The following SULT1A1 variants were observed in gnomAD, a reference collection of about 807,000 sequenced individuals.
SULT1A1 encodes the protein sulfotransferase family 1A member 1.
SULT1A1 carries 35 observed loss-of-function variants against 36.8 expected under a neutral mutation model. The observed-to-expected ratio is 0.95, with a 90% confidence interval of 0.73 to 1.26. The LOEUF (loss-of-function observed/expected upper bound fraction) is 1.26, where lower values mean the gene tolerates loss of function less well. Ranked by LOEUF, SULT1A1 falls within the 50% of genes most tolerant of loss-of-function variation. The pLI is 0.00. For synonymous variants in SULT1A1, 119 were observed against 146.0 expected (o/e 0.82, Z 1.33); for missense variants, 309 against 383.0 (o/e 0.81, Z 1.61).
chr16:28,608,646 G>A lies in SULT1A1; in HGVS notation c.149-43C>T, dbSNP rs147141774. On this transcript the variant is annotated intron_variant, in intron 2 of 7. Coordinates refer to ENST00000314752, the MANE Select transcript of SULT1A1 (RefSeq NM_001055.4). ...TGGGAGGTGAGCAGGCTGAGGGCACGACCTCGCTGGCCAAGGTGGGGACTG... is the reference window on the plus strand; with the variant it reads ...TGGGAGGTGAGCAGGCTGAGGGCACAACCTCGCTGGCCAAGGTGGGGACTG... 103 of 1,611,264 alleles carry A rather than the reference G, an allele frequency of 6.4e-5. 1 individual carries two copies. Among genetic ancestry groups the A allele is most frequent in the Non-Finnish European group, 8.3e-5 (98 of 1,177,730 alleles).
At position 28,605,469 on chromosome 16, in the gene SULT1A1, G is replaced by C; in HGVS notation, c.*352C>G. On this transcript the variant is annotated 3_prime_UTR_variant, in exon 8 of 8. Coordinates refer to ENST00000314752, the MANE Select transcript of SULT1A1 (RefSeq NM_001055.4). ...CAAATTTTTGTAGGGATGATGTCTT[G>C]TAATGTTGAACAGGCTGGTCCCAAA... 2.5e-6 allele frequency: 1 copy of C among 392,352 alleles called. No homozygotes were observed. Among genetic ancestry groups the C allele is most frequent in the East Asian group, 5.6e-5 (1 of 17,842 alleles). 24.3% of individuals were successfully genotyped at this position (392,352 alleles called of 1,614,324 possible).
At position 28,608,566 on chromosome 16, in the gene SULT1A1, G is replaced by A. The variant is rs1210296177; in HGVS notation, c.186C>T (p.Tyr62=). 2.5e-6 allele frequency: 4 copies of A among 1,612,364 alleles called. No individual in the cohort carries two copies. Among genetic ancestry groups the A allele is most frequent in the Non-Finnish European group, 3.4e-6 (4 of 1,178,596 alleles). ...TWVSQILDMI[Y]QGGDLEKCHR... ...GACACTTCTCCAGGTCACCACCCTG[G>A]TAGATCATGTCCAGAATCTGGCTTA... Residue 62 remains tyrosine (Y), a synonymous_variant, in exon 3 of 8, where the codon TAC becomes TAT. Transcript: ENST00000314752.
At chr16:28,606,700 G>T (rs1163555730) in intron 6 of SULT1A1, 61 bp downstream of exon 6, 2 of 1,593,898 alleles carry the variant, frequency 1.3e-6, no homozygotes, top group African/African-American at 1.3e-5. Flanking sequence ...GCCTTGGCGG[G>T]TCCCTGTGAG....
chr16:28,608,201 G>A (rs1427084953), intron 4 of SULT1A1, 90 bp downstream of exon 4: 2 of 1,533,290 alleles, frequency 1.3e-6, no homozygotes, highest in East Asian at 2.2e-5. Context: ...TGCTCAGGGT[G>A]CTCTCAAACT....
At chr16:28,610,259 TTTC>T, upstream of SULT1A1, 1 of 1,131,552 alleles carries the variant, frequency 8.8e-7, no homozygotes, top group South Asian at 1.4e-5. Flanking sequence ...AGGTTTTTTT[TTTC>T]TGTTTTTTTT....
intron 1 of SULT1A1, chr16:28,623,112 T>A (rs1261234872): frequency 9.7e-7 from 1 of 1,029,428 alleles, no homozygotes; most frequent in Non-Finnish European, 1.4e-6. Context: ...CCCCCCAGGT[T>A]CCCCCCCCGG....
chr16:28,609,538 G>A (rs2047366982), intron 1 of SULT1A1: 14 of 621,014 alleles, frequency 2.3e-5, no homozygotes, highest in South Asian at 2.2e-4. Flanking sequence ...CTGAGGCCAG[G>A]AGTTGGAGAC....
At chr16:28,614,422 C>G (rs1403111124), upstream of SULT1A1, 1 of 134,768 alleles carries the variant, frequency 7.4e-6, no homozygotes, top group Non-Finnish European at 1.7e-5. Context: ...TCCAGGAAGC[C>G]TTCCTCCTGG....
chr16:28,605,554 G>C lies in SULT1A1; in HGVS notation c.*267C>G, dbSNP rs1281921700. On this transcript the variant is annotated 3_prime_UTR_variant, in exon 8 of 8. Transcript: ENST00000314752. ...CTCAAATTGCTGGGATTACAGGCAT[G>C]AGCCACTCTGCCTGGCCCACAATCA... 4.4e-5 allele frequency: 26 copies of C among 588,630 alleles called. No individual in the cohort carries two copies. The East Asian group carries it at 7.7e-4, about 17-fold the overall frequency. The allele number at this position is 588,630 out of a possible 1,614,324, so 36.5% of individuals were successfully genotyped here.
At chr16:28,616,084 C>A (rs1163003438) in intron 2 of SULT1A1, among the ~76,000 whole-genome samples, 1 of 152,104 alleles carries the variant, frequency 6.6e-6, no homozygotes, top group Non-Finnish European at 1.5e-5. Flanking sequence ...ACCAAGGAGC[C>A]CTCTGGTGGC....
At chr16:28,608,945 T>C in intron 1 of SULT1A1, 86 bp from the exon 2 acceptor site, 1 of 1,608,956 alleles carries the variant, frequency 6.2e-7, no homozygotes. Flanking sequence ...GGGAAGTCAC[T>C]GAGGCCTAGG....
rs1473707178 is a variant in SULT1A1 at position 28,609,910 on chromosome 16, C to A, written c.-5+21G>T. ...CTGAGCAGGGTGAGGGCGCCCTGGG[C>A]CGTTCCACTGTGTCACTCACCTGAG... On this transcript the variant is annotated intron_variant, in intron 1 of 7. Coordinates refer to ENST00000314752, the MANE Select transcript of SULT1A1 (RefSeq NM_001055.4). 3.9e-6 allele frequency: 5 copies of A among 1,280,198 alleles called. No individual in the cohort carries two copies. The Admixed American group carries it at 7.2e-5, about 18-fold the overall frequency. 79.3% of individuals were successfully genotyped at this position (1,280,198 alleles called of 1,614,324 possible).
At chr16:28,623,005 C>T (rs530028965) in intron 1 of SULT1A1, 9 of 1,294,092 alleles carry the variant, frequency 7.0e-6, no homozygotes, top group African/African-American at 1.5e-5. Flanking sequence ...GGTCTCAGAG[C>T]CCCGGCTCCT....
intron 6 of SULT1A1, 87 bp downstream of exon 6, chr16:28,606,674 G>A (rs2047203400): frequency 1.3e-6 from 2 of 1,567,052 alleles, no homozygotes; most frequent in South Asian, 1.2e-5. Context: ...GGGCTGCCCA[G>A]GGAGGGGGCT....
upstream of SULT1A1, chr16:28,610,611 A>G (rs1365292300): frequency 2.6e-5 from 5 of 190,606 alleles, no homozygotes; most frequent in Non-Finnish European, 5.6e-5. Context: ...AGAACAAGAA[A>G]GAACAAGGAC....
chr16:28,613,766 CG>C (rs2047475034), upstream of SULT1A1: 1 of 14,688 alleles, frequency 6.8e-5, no homozygotes, highest in Non-Finnish European at 1.6e-4. Context: ...CGGCGGAGGT[CG>C]GGGTGCAGCG....
In SULT1A1 at chr16:28,605,591, C is replaced by CT. The variant is rs1303613572; in HGVS notation, c.*229dup. The CT allele has an allele frequency of 8.0e-6, 6 of 750,730 alleles. No individual in the cohort carries two copies. In the Admixed American group the frequency reaches 1.5e-4, roughly 18 times the overall value. The allele number at this position is 750,730 out of a possible 1,614,324, so 46.5% of individuals were successfully genotyped here. On this transcript the variant is annotated 3_prime_UTR_variant, in exon 8 of 8. Coordinates refer to ENST00000314752, the MANE Select transcript of SULT1A1 (RefSeq NM_001055.4). ...CTGGCCCACAATCATATTTTATTCT[C>CT]TTTTTAAAAATTGGTTTTATTTTAT...
chr16:28,611,219 AAT>A (rs1368127681), upstream of SULT1A1: 2 of 152,184 alleles, frequency 1.3e-5, no homozygotes, highest in African/African-American at 4.8e-5. Flanking sequence ...ATGTGAGATT[AAT>A]AGAGTGGTAG....
At chr16:28,606,447 G>A (rs545549254) in intron 6 of SULT1A1, among the ~76,000 whole-genome samples, 1 of 151,992 alleles carries the variant, frequency 6.6e-6, no homozygotes, top group East Asian at 1.9e-4. Context: ...TGGCTCCTAT[G>A]GGTGAGGACC....
Sources: gnomAD v4.1 joint callset for allele counts (sites outside exome capture counted in the v4.1 genomes callset) on GRCh38, gnomAD v4.1.1 for gene constraint, MANE v1.5 for transcripts, NCBI Gene and HGNC (gene_info 2026-07-23, HGNC 2026-07-21) for gene names.